The following HLF variants were observed in gnomAD, a reference collection of about 807,000 sequenced individuals.
HLF encodes HLF transcription factor, PAR bZIP family member, also known as hepatic leukemia factor.
Under a neutral mutation model 22.6 loss-of-function variants are expected in HLF, and 3 were observed. The observed-to-expected ratio is 0.13, with a 90% confidence interval of 0.06 to 0.34. HLF has a LOEUF of 0.34. Among genes scored for constraint, HLF ranks in the 10% least tolerant of loss-of-function variants. The pLI, the probability that HLF is intolerant of heterozygous loss-of-function variation, is 1.00. For missense variants in HLF, 299 were observed against 389.2 expected (o/e 0.77, Z 1.95); for synonymous variants, 151 against 151.8 (o/e 0.99, Z 0.04).
chr17:55,315,119 A>T, intron 2 of HLF, 108 bp from the exon 3 acceptor site: 1 of 774,488 alleles, frequency 1.3e-6, no homozygotes, highest in Non-Finnish European at 2.2e-6. Flanking sequence ...TTAGCATCAT[A>T]TATAAGTGAG....
Position 55,265,357 on chromosome 17 carries a change from C to T in HLF, c.-128C>T. ...AAGATATAAGTAATTTTTTTCTTCC[C>T]TTTTCTCCACCGCCTTGAGAGCGAG... On this transcript the variant is annotated 5_prime_UTR_variant, in exon 1 of 4. Transcript: ENST00000226067. 9 of 616,832 alleles carry T rather than the reference C, an allele frequency of 1.5e-5. No homozygotes were observed. Among genetic ancestry groups the T allele is most frequent in the African/African-American group, 3.8e-5 (2 of 52,596 alleles). 38.2% of individuals were successfully genotyped at this position (616,832 alleles called of 1,614,324 possible).
At chr17:55,314,040 GA>G (rs1330347280) in intron 2 of HLF, among the ~76,000 whole-genome samples, 1 of 152,218 alleles carries the variant, frequency 6.6e-6, no homozygotes, top group Non-Finnish European at 1.5e-5. Flanking sequence ...CAGTGAGGAA[GA>G]GGGGGAGATG....
At chr17:55,272,902 A>G (rs1451084327) in intron 2 of HLF, 1 of 152,308 alleles carries the variant, frequency 6.6e-6, no homozygotes, top group African/African-American at 2.4e-5. Flanking sequence ...TGTCTCAAGC[A>G]TCTTGGAAGT....
Position 55,265,618 on chromosome 17 carries a change from C to CCGCTCCGGGAAGGGACGA in HLF, c.115+29_115+46dup. ...GAAGACGGTGAGCGCTGCCGCGGCC[C>CCGCTCCGGGAAGGGACGA]CGCTCCGGGAAGGGACGACGCTCCG... On this transcript the variant is annotated intron_variant, in intron 1 of 3. Coordinates refer to ENST00000226067, the MANE Select transcript of HLF (RefSeq NM_002126.5). 1 of 1,543,172 alleles carries CCGCTCCGGGAAGGGACGA rather than the reference C, an allele frequency of 6.5e-7. No individual in the cohort carries two copies. The highest frequency in any genetic ancestry group is 8.8e-7 in the Non-Finnish European group (1 of 1,130,462).
rs2080808784 is a variant in HLF, at chr17:55,267,815, C to T, written c.180C>T (p.Pro60=). Residue 60 remains proline, a synonymous_variant, in exon 2 of 4, where the codon CCC becomes CCT. Transcript: ENST00000226067. ...LDDESNSPTV[P]QSAFLGPTLW... is the part of the protein sequence containing the mutation. ...ATGAGAGTAACAGCCCGACGGTCCC[C>T]CAGTCGGCATTCCTGGGGCCTACCT... is the stretch of plus-strand genomic sequence containing the variant. 1.2e-6 allele frequency: 2 copies of T among 1,612,108 alleles called. No individual in the cohort carries two copies. The highest frequency in any genetic ancestry group is 3.3e-5 in the Admixed American group (2 of 59,990).
rs1555603882 is a variant in HLF at position 55,265,450 on chromosome 17, C to T, written c.-35C>T. 2 of 1,175,358 alleles carry T rather than the reference C, an allele frequency of 1.7e-6. No individual in the cohort carries two copies. The highest frequency in any genetic ancestry group is 1.2e-6 in the Non-Finnish European group (1 of 812,104). 72.8% of individuals were successfully genotyped at this position (1,175,358 alleles called of 1,614,324 possible). A position where few individuals can be genotyped will look rare whatever the true frequency, so the allele number is the denominator to read the frequency against. Reference sequence around the variant, plus strand: ...GGGGGCGGTTGTTTCTTTCTTATTTCTTTTTTTAAGGGGAAAAAATTTGAG... The same window carrying T: ...GGGGGCGGTTGTTTCTTTCTTATTTTTTTTTTTAAGGGGAAAAAATTTGAG... On this transcript the variant is annotated 5_prime_UTR_variant, in exon 1 of 4. Coordinates refer to ENST00000226067, the MANE Select transcript of HLF (RefSeq NM_002126.5).
intron 2 of HLF, among the ~76,000 whole-genome samples, chr17:55,297,603 C>T (rs909763805): frequency 2.0e-5 from 3 of 151,926 alleles, no homozygotes; most frequent in African/African-American, 7.3e-5. Context: ...TCATCCTTTC[C>T]TTTGAGGCCA....
intron 2 of HLF, among the ~76,000 whole-genome samples, chr17:55,294,795 G>C (rs946197874): frequency 6.6e-6 from 1 of 152,144 alleles, no homozygotes; most frequent in Non-Finnish European, 1.5e-5. Context: ...AAAGAGGATG[G>C]CTCTAAAGTC....
chr17:55,299,109 C>T (rs1028672827), intron 2 of HLF, among the ~76,000 whole-genome samples: 1 of 152,226 alleles, frequency 6.6e-6, no homozygotes, highest in African/African-American at 2.4e-5. Flanking sequence ...CCAGCAAGAA[C>T]TGCAAAGGCT....
chr17:55,286,182 G>A (rs941744878), intron 2 of HLF, among the ~76,000 whole-genome samples: 5 of 152,216 alleles, frequency 3.3e-5, no homozygotes, highest in South Asian at 2.1e-4. Context: ...GCCAGCCATG[G>A]AAGGAAGGAA....
intron 2 of HLF, among the ~76,000 whole-genome samples, chr17:55,308,348 G>A (rs899334461): frequency 6.6e-6 from 1 of 152,198 alleles, no homozygotes; most frequent in Non-Finnish European, 1.5e-5. Context: ...TTTATATAGA[G>A]ACCATTTATT....
In HLF at chr17:55,324,915, C is replaced by T. The variant is rs1003513437; in HGVS notation, c.*4036C>T. 1 of 231,478 alleles carries T rather than the reference C, an allele frequency of 4.3e-6. No individual in the cohort carries two copies. The highest frequency in any genetic ancestry group is 2.2e-5 in the African/African-American group (1 of 45,166). The allele number at this position is 231,478 out of a possible 1,614,324, so 14.3% of individuals were successfully genotyped here. A position where few individuals can be genotyped will look rare whatever the true frequency, so the allele number is the denominator to read the frequency against. On this transcript the variant is annotated 3_prime_UTR_variant, in exon 4 of 4. Transcript: ENST00000226067. ...ATAATCCATTATCCTTTTGGCAACA[C>T]CACAAAGATCGCATCTGTTAAACAG...
rs544510321 is a variant in HLF, at chr17:55,281,945, G to A, written c.451+13859G>A. On this transcript the variant is annotated intron_variant, in intron 2 of 3. Coordinates refer to ENST00000226067, the MANE Select transcript of HLF (RefSeq NM_002126.5). Reference sequence around the variant, plus strand: ...AGAGAAACACAGTCCTAATAGCATCGGCACGTGATTGTGGGGCCCTTTAGT... The same window carrying A: ...AGAGAAACACAGTCCTAATAGCATCAGCACGTGATTGTGGGGCCCTTTAGT... 7.2e-5 allele frequency among the ~76,000 whole-genome samples: 11 copies of A among 152,136 alleles called. No individual in the cohort carries two copies. In the East Asian group the frequency reaches 1.4e-3, roughly 19 times the overall value.
intron 2 of HLF, among the ~76,000 whole-genome samples, chr17:55,309,644 A>C (rs540284922): frequency 3.9e-5 from 6 of 152,206 alleles, no homozygotes; most frequent in Non-Finnish European, 7.3e-5. Context: ...CTCTAAAGGA[A>C]ACCCTTTGGC....
chr17:55,307,830 T>TA (rs11383235), intron 2 of HLF, among the ~76,000 whole-genome samples: 38,879 of 135,924 alleles, frequency 0.29, 5,287 homozygotes, highest in African/African-American at 0.3. Context: ...ATAAATATTG[T>TA]AAAAAAAAAA....
At chr17:55,278,632 AG>A (rs2080927337) in intron 2 of HLF, among the ~76,000 whole-genome samples, 1 of 152,244 alleles carries the variant, frequency 6.6e-6, no homozygotes, top group Non-Finnish European at 1.5e-5. Flanking sequence ...CTAGATATGC[AG>A]TAATCAGATT....
intron 1 of HLF, 157 bp from the exon 2 acceptor site, chr17:55,267,594 A>C (rs973911928): frequency 1.8e-6 from 1 of 570,126 alleles, no homozygotes; most frequent in African/African-American, 1.9e-5. Context: ...GTCCTGCCTG[A>C]ACTTTTAACT....
intron 3 of HLF, among the ~76,000 whole-genome samples, chr17:55,318,421 G>A (rs1905148399): frequency 6.6e-6 from 1 of 152,162 alleles, no homozygotes; most frequent in Non-Finnish European, 1.5e-5. Flanking sequence ...AGGTGAGGCT[G>A]GGAAATGAGA....
intron 2 of HLF, among the ~76,000 whole-genome samples, chr17:55,290,241 A>G (rs1056936278): frequency 2.6e-5 from 4 of 152,198 alleles, no homozygotes; most frequent in Admixed American, 2.0e-4. Context: ...CAGCAGTGCC[A>G]CTGCTGGGTG....
Sources: allele counts gnomAD v4.1 joint callset (sites outside exome capture counted in the v4.1 genomes callset), GRCh38; gene constraint gnomAD v4.1.1; transcripts MANE v1.5; gene names NCBI Gene and HGNC (gene_info 2026-07-23, HGNC 2026-07-21).